ETFDH: variants seen among roughly 807,000 people sequenced by gnomAD.
The protein encoded by ETFDH is electron transfer flavoprotein-ubiquinone oxidoreductase, mitochondrial.
Under a neutral mutation model 73.2 loss-of-function variants are expected in ETFDH, and 61 were observed. The observed-to-expected ratio is 0.83, with a 90% CI of 0.68 to 1.03. The LOEUF (loss-of-function observed/expected upper bound fraction) is 1.03, where lower values mean the gene tolerates loss of function less well. Ranked by LOEUF, ETFDH falls within the 50% of genes least tolerant of loss-of-function variation. ETFDH has a pLI of 0.00. For synonymous variants in ETFDH, 243 were observed against 253.3 expected, an observed-to-expected ratio of 0.96 and a Z score of 0.39; for missense variants, 685 against 745.0, an observed-to-expected ratio of 0.92 and a Z score of 0.94.
Position 158,690,150 on chromosome 4 carries a change from G to A in ETFDH, c.607-198G>A, listed in dbSNP as rs138928752. Among the ~76,000 whole-genome samples the A allele has an allele frequency of 1.5e-3, 234 of 152,110 alleles. 3 individuals carry two copies. The highest frequency in any genetic ancestry group is 5.1e-3 in the African/African-American group (213 of 41,486). On this transcript the variant is annotated intron_variant, in intron 5 of 12. Coordinates refer to ENST00000511912, the MANE Select transcript of ETFDH (RefSeq NM_004453.4). Reference sequence around the variant, plus strand: ...TGTGGCATTGTTTTCATTTCCCATTGTGCGAGCTCTGTTCTTTAATACTCT... The same window carrying A: ...TGTGGCATTGTTTTCATTTCCCATTATGCGAGCTCTGTTCTTTAATACTCT...
chr4:158,692,230 GAAA>G (rs946088804), intron 6 of ETFDH, among the ~76,000 whole-genome samples: 1 of 147,552 alleles, frequency 6.8e-6, no homozygotes, highest in East Asian at 2.0e-4. Flanking sequence ...TGTCCCTACT[GAAA>G]AAAAAAATAC....
rs185779078 is a variant in ETFDH at position 158,692,489 on chromosome 4, T to G, written c.684+2064T>G. Reference sequence around the variant, plus strand: ...CTGACCCCATCAGAATCATGTGACATCTTGGGGCTCAGCCTGTCCTGCAGT... The same window carrying G: ...CTGACCCCATCAGAATCATGTGACAGCTTGGGGCTCAGCCTGTCCTGCAGT... On this transcript the variant is annotated intron_variant, in intron 6 of 12. Coordinates refer to ENST00000511912, the MANE Select transcript of ETFDH (RefSeq NM_004453.4). Among the ~76,000 whole-genome samples the G allele has an allele frequency of 8.9e-3, 1,338 of 150,184 alleles. 21 individuals are homozygous for G. Among genetic ancestry groups the G allele is most frequent in the African/African-American group, 0.031 (1,271 of 40,876 alleles).
chr4:158,701,714 C>G (rs1362549548), intron 9 of ETFDH, among the ~76,000 whole-genome samples: 3 of 152,160 alleles, frequency 2.0e-5, no homozygotes, highest in Non-Finnish European at 2.9e-5. Flanking sequence ...ATTTTCTCAA[C>G]AAAGACCCCA....
At chr4:158,681,043 TCTTA>T (rs55688793) in intron 2 of ETFDH, among the ~76,000 whole-genome samples, 136,571 of 151,982 alleles carry the variant, frequency 0.9, 63,123 homozygotes, top group East Asian at 1. Flanking sequence ...TAGAGTGTAC[TCTTA>T]CTTAATTTTT....
intron 6 of ETFDH, 86 bp from the exon 7 acceptor site, chr4:158,695,411 A>C: frequency 3.9e-6 from 4 of 1,033,296 alleles, no homozygotes; most frequent in Non-Finnish European, 6.0e-6. Flanking sequence ...TCTACATCTG[A>C]ATCATAGTTC....
chr4:158,685,275 G>A, intron 5 of ETFDH, 56 bp downstream of exon 5: 1 of 912,292 alleles, frequency 1.1e-6, no homozygotes, highest in Non-Finnish European at 1.8e-6. Context: ...TTTTTAATAA[G>A]TGGAGAATTT....
chr4:158,674,516 G>T (rs1282878114), intron 1 of ETFDH, among the ~76,000 whole-genome samples: 1 of 152,122 alleles, frequency 6.6e-6, no homozygotes, highest in Non-Finnish European at 1.5e-5. Context: ...GGCCAGGCTG[G>T]TCTCAAACTC....
intron 12 of ETFDH, among the ~76,000 whole-genome samples, 188 bp downstream of exon 12, chr4:158,707,038 C>CAA (rs77764489): frequency 2.2e-4 from 24 of 107,668 alleles, no homozygotes; most frequent in African/African-American, 7.3e-4. Flanking sequence ...TAACATTTCT[C>CAA]AAAAAAAAAA....
At chr4:158,680,752 C>T (rs965391181) in intron 2 of ETFDH, 145 bp downstream of exon 2, 2 of 705,260 alleles carry the variant, frequency 2.8e-6, no homozygotes, top group African/African-American at 3.6e-5. Flanking sequence ...GCATAATGAC[C>T]CTTCAGTCAA....
intron 12 of ETFDH, 60 bp downstream of exon 12, chr4:158,706,910 T>C: frequency 1.7e-6 from 2 of 1,175,476 alleles, no homozygotes; most frequent in Non-Finnish European, 2.5e-6. Flanking sequence ...TGTGATTTTG[T>C]TCTTTTAAAA....
intron 10 of ETFDH, among the ~76,000 whole-genome samples, chr4:158,704,677 G>A (rs114996332): frequency 3.5e-4 from 54 of 152,300 alleles, no homozygotes; most frequent in Non-Finnish European, 6.0e-4. Context: ...GTATTGCTTA[G>A]TGTGAATCCT....
Position 158,690,438 on chromosome 4 carries a change from A to C in ETFDH, c.684+13A>C, listed in dbSNP as rs149407913. On this transcript the variant is annotated intron_variant, in intron 6 of 12. Coordinates refer to ENST00000511912, the MANE Select transcript of ETFDH (RefSeq NM_004453.4). ...TGGTGCACCAAAGGTAAACCTTTTT[A>C]ATAGTTACGTGCTTAATAAAGCGAC... 6.8e-4 allele frequency: 965 copies of C among 1,413,342 alleles called. 9 individuals are homozygous for C. The African/African-American group carries it at 0.012, about 18-fold the overall frequency. The allele number at this position is 1,413,342 out of a possible 1,614,324, so 87.6% of individuals were successfully genotyped here.
intron 12 of ETFDH, among the ~76,000 whole-genome samples, chr4:158,707,593 C>T (rs1774662498): frequency 1.3e-5 from 2 of 152,194 alleles, no homozygotes; most frequent in Non-Finnish European, 1.5e-5. Flanking sequence ...TGTGAATTAT[C>T]CCTTTGTCCA....
At position 158,703,493 on chromosome 4, in the gene ETFDH, A is replaced by G. The variant is rs1774520472; in HGVS notation, c.1187A>G (p.Lys396Arg). Residue 396 changes from lysine to arginine, a missense_variant, in exon 10 of 13, where the codon AAG becomes AGG. Lys to Arg is a conservative substitution (Grantham distance 26). This residue lies in a region of ETFDH where 79 missense variants were observed against 120.5 expected (regional missense o/e 0.66). Transcript: ENST00000511912. ...AGTCCTGGTTTTATGAATGTTCCCA[A>G]GATCAAAGGTACTCACACAGCAATG... The part of the protein sequence containing the change: ...GCSPGFMNVP[K>R]IKGTHTAMKS... 1 of 1,610,130 alleles carries G rather than the reference A, an allele frequency of 6.2e-7. No individual in the cohort carries two copies. The highest frequency in any genetic ancestry group is 8.5e-7 in the Non-Finnish European group (1 of 1,176,574).
chr4:158,689,641 G>T (rs1253824591), intron 5 of ETFDH, among the ~76,000 whole-genome samples: 1 of 76,246 alleles, frequency 1.3e-5, no homozygotes, highest in African/African-American at 5.4e-5. Flanking sequence ...TATATATTGT[G>T]GGGGGGTGGG....
intron 1 of ETFDH, among the ~76,000 whole-genome samples, chr4:158,677,632 C>T (rs1773743124): frequency 6.6e-6 from 1 of 152,180 alleles, no homozygotes; most frequent in African/African-American, 2.4e-5. Context: ...CCTCTAGGGC[C>T]TGTTGTCATG....
chr4:158,704,521 C>A (rs949520824), intron 10 of ETFDH, among the ~76,000 whole-genome samples: 1 of 152,176 alleles, frequency 6.6e-6, no homozygotes, highest in African/African-American at 2.4e-5. Flanking sequence ...CTTGACCACA[C>A]CAATTAATGC....
chr4:158,702,389 G>C (rs970973609), intron 9 of ETFDH, among the ~76,000 whole-genome samples: 4 of 151,894 alleles, frequency 2.6e-5, no homozygotes, highest in African/African-American at 9.7e-5. Context: ...CAGTGCTATA[G>C]AACAATAGAA....
chr4:158,679,652 T>C (rs554837216), intron 1 of ETFDH: 2 of 152,010 alleles, frequency 1.3e-5, no homozygotes, highest in Admixed American at 6.6e-5. Flanking sequence ...AGAGGTGGAG[T>C]TGAAGGTTTG....
Sources: gnomAD v4.1 joint callset for allele counts (sites outside exome capture counted in the v4.1 genomes callset) on GRCh38, gnomAD v4.1.1 for gene constraint, gnomAD v4.1.1 regional missense constraint, MANE v1.5 for transcripts, NCBI Gene and HGNC (gene_info 2026-07-23, HGNC 2026-07-21) for gene names.